The following PGCKA1 variants were observed in gnomAD, a reference collection of about 807,000 sequenced individuals.
The protein encoded by PGCKA1 is PDCD10 and GCKIII kinases-associated protein 1.
chr4:37,548,279 A>G, the PGCKA1 span, among the ~76,000 whole-genome samples: 1 of 152,198 alleles, frequency 6.6e-6, no homozygotes, highest in Non-Finnish European at 1.5e-5. Flanking sequence ...TGTATAAAGT[A>G]AAATATATCT....
At chr4:37,536,800 TTCTC>T in the PGCKA1 span, among the ~76,000 whole-genome samples, 1 of 152,238 alleles carries the variant, frequency 6.6e-6, no homozygotes, top group Non-Finnish European at 1.5e-5. Context: ...CATGTATTTG[TTCTC>T]TCTCTTGCTC....
chr4:37,551,782 A>G, the PGCKA1 span, among the ~76,000 whole-genome samples: 1 of 152,352 alleles, frequency 6.6e-6, no homozygotes, highest in Non-Finnish European at 1.5e-5. Context: ...TAATAGTAAT[A>G]GAAACCTGCT....
chr4:37,533,422 A>G, the PGCKA1 span, among the ~76,000 whole-genome samples: 2 of 152,236 alleles, frequency 1.3e-5, no homozygotes, highest in Non-Finnish European at 2.9e-5. Context: ...TGTCACGCAT[A>G]TCGTTATATG....
the PGCKA1 span, among the ~76,000 whole-genome samples, chr4:37,528,297 C>T: frequency 3.9e-5 from 6 of 152,310 alleles, no homozygotes; most frequent in South Asian, 1.2e-3. Flanking sequence ...CCAGCTCCTA[C>T]TATTTAATAT....
the PGCKA1 span, among the ~76,000 whole-genome samples, chr4:37,538,067 TCACA>T: frequency 0.25 from 37,630 of 150,088 alleles, 4,814 homozygotes; most frequent in East Asian, 0.45. Context: ...CACAACCCTG[TCACA>T]CACACACACA....
chr4:37,497,097 C>T, the PGCKA1 span, among the ~76,000 whole-genome samples: 4 of 152,136 alleles, frequency 2.6e-5, no homozygotes, highest in Non-Finnish European at 4.4e-5. Flanking sequence ...CCACTCTTCC[C>T]TCCAAGTCCC....
At chr4:37,454,535 G>C in the PGCKA1 span, among the ~76,000 whole-genome samples, 3 of 152,306 alleles carry the variant, frequency 2.0e-5, no homozygotes, top group Admixed American at 1.3e-4. Context: ...CCCGGTATTT[G>C]CCCCCCAGGG....
At chr4:37,485,475 G>T in the PGCKA1 span, among the ~76,000 whole-genome samples, 1 of 152,082 alleles carries the variant, frequency 6.6e-6, no homozygotes, top group Admixed American at 6.6e-5. Flanking sequence ...TTCCCCCATG[G>T]AATGACACAG....
the PGCKA1 span, among the ~76,000 whole-genome samples, chr4:37,573,733 T>A: frequency 6.6e-6 from 1 of 152,226 alleles, no homozygotes; most frequent in Admixed American, 6.5e-5. Context: ...TGCATACTAC[T>A]AATTTTATCC....
chr4:37,457,067 T>C, the PGCKA1 span, among the ~76,000 whole-genome samples: 2 of 152,264 alleles, frequency 1.3e-5, no homozygotes, highest in Non-Finnish European at 2.9e-5. Flanking sequence ...GAGCTCCTCA[T>C]GGTTTTTAAT....
chr4:37,489,239 C>T, the PGCKA1 span, among the ~76,000 whole-genome samples: 2 of 152,122 alleles, frequency 1.3e-5, no homozygotes, highest in African/African-American at 4.8e-5. Flanking sequence ...GAATGTAGAT[C>T]TCCTGTTAAG....
At chr4:37,590,205 G>C in the PGCKA1 span, 13 of 1,614,092 alleles carry the variant, frequency 8.1e-6, no homozygotes, top group African/African-American at 2.7e-5. Flanking sequence ...GTGAAGTCTT[G>C]GTGCAGAAAA....
chr4:37,513,813 G>T, the PGCKA1 span, among the ~76,000 whole-genome samples: 1 of 152,208 alleles, frequency 6.6e-6, no homozygotes, highest in Non-Finnish European at 1.5e-5. Context: ...TGAGGAAAAT[G>T]TCCTGATAAT....
chr4:37,578,109 C>G, the PGCKA1 span, among the ~76,000 whole-genome samples: 27 of 152,290 alleles, frequency 1.8e-4, no homozygotes, highest in African/African-American at 6.5e-4. Flanking sequence ...TGCTGATATT[C>G]TGTGTGGAAG....
the PGCKA1 span, chr4:37,588,916 A>T: frequency 6.2e-7 from 1 of 1,602,876 alleles, no homozygotes; most frequent in South Asian, 1.1e-5. Flanking sequence ...CTGGAGAAAT[A>T]CTACTTCTAA....
At chr4:37,582,533 C>T in the PGCKA1 span, among the ~76,000 whole-genome samples, 2 of 152,298 alleles carry the variant, frequency 1.3e-5, no homozygotes, top group Admixed American at 1.3e-4. Context: ...TCTTAAATCT[C>T]CTTGAATTTG....
chr4:37,479,253 C>G, the PGCKA1 span, among the ~76,000 whole-genome samples: 5 of 152,120 alleles, frequency 3.3e-5, no homozygotes, highest in African/African-American at 1.2e-4. Context: ...ATATTAATAT[C>G]TCTTCTATAT....
At chr4:37,486,697 A>G in the PGCKA1 span, among the ~76,000 whole-genome samples, 1 of 152,194 alleles carries the variant, frequency 6.6e-6, no homozygotes, top group Admixed American at 6.6e-5. Context: ...GATTGAAGTT[A>G]CTGTTCCTTT....
chr4:37,570,321 C>G, the PGCKA1 span, among the ~76,000 whole-genome samples: 7 of 150,068 alleles, frequency 4.7e-5, no homozygotes, highest in African/African-American at 1.5e-4. Context: ...CTTTCAAGTT[C>G]TCTAAAATAA....
Sources: allele counts gnomAD v4.1 joint callset (sites outside exome capture counted in the v4.1 genomes callset), GRCh38; gene constraint gnomAD v4.1.1; transcripts MANE v1.5; gene names NCBI Gene and HGNC (gene_info 2026-07-23, HGNC 2026-07-21).